B3GLCT: variants seen among roughly 807,000 people sequenced by gnomAD.
The protein encoded by B3GLCT is beta-1,3-glucosyltransferase.
Under a neutral mutation model 63.4 loss-of-function variants are expected in B3GLCT, and 65 were observed. The observed-to-expected ratio is 1.03, with a 90% CI of 0.84 to 1.26. B3GLCT has a LOEUF of 1.26. B3GLCT is among the 50% of genes most tolerant of loss of function. The pLI is 0.00. For synonymous variants in B3GLCT, 233 were observed against 219.2 expected (o/e 1.06, Z -0.55); for missense variants, 577 against 604.8 (o/e 0.95, Z 0.48).
intron 14 of B3GLCT, among the ~76,000 whole-genome samples, chr13:31,326,127 A>T (rs1875591551): frequency 6.6e-6 from 1 of 152,142 alleles, no homozygotes; most frequent in African/African-American, 2.4e-5. Context: ...GGTAAACTGT[A>T]TGGGATGGAA....
intron 4 of B3GLCT, among the ~76,000 whole-genome samples, chr13:31,241,964 G>A (rs1282400332): frequency 3.3e-5 from 5 of 152,092 alleles, no homozygotes; most frequent in African/African-American, 1.2e-4. Context: ...CTTTTTTTGA[G>A]TGCTCATAAT....
chr13:31,214,044 G>T (rs573825460), intron 1 of B3GLCT, among the ~76,000 whole-genome samples: 1 of 152,208 alleles, frequency 6.6e-6, no homozygotes, highest in East Asian at 1.9e-4. Context: ...TGGGGATGGG[G>T]AGGGATTAGA....
intron 9 of B3GLCT, among the ~76,000 whole-genome samples, 166 bp downstream of exon 9, chr13:31,274,794 C>G (rs1872707995): frequency 6.6e-6 from 1 of 152,198 alleles, no homozygotes; most frequent in Admixed American, 6.5e-5. Context: ...TCTGCTGATT[C>G]TGTCACCCAA....
intron 12 of B3GLCT, among the ~76,000 whole-genome samples, chr13:31,301,189 G>T (rs190864906): frequency 6.6e-6 from 1 of 152,162 alleles, no homozygotes; most frequent in African/African-American, 2.4e-5. Flanking sequence ...CCTTCAAGTG[G>T]AAATTCTCTA....
chr13:31,281,281 A>C (rs1873056297), intron 10 of B3GLCT, among the ~76,000 whole-genome samples: 1 of 152,150 alleles, frequency 6.6e-6, no homozygotes, highest in Non-Finnish European at 1.5e-5. Context: ...TCAGATTAAA[A>C]AAAAACAAAA....
At chr13:31,230,617 T>C (rs1183159018) in intron 4 of B3GLCT, among the ~76,000 whole-genome samples, 2 of 152,254 alleles carry the variant, frequency 1.3e-5, no homozygotes, top group Non-Finnish European at 2.9e-5. Flanking sequence ...TGGGTTGCTC[T>C]GCTTGAAACA....
chr13:31,287,695 T>C (rs1873401953), intron 12 of B3GLCT, among the ~76,000 whole-genome samples: 1 of 152,146 alleles, frequency 6.6e-6, no homozygotes, highest in African/African-American at 2.4e-5. Context: ...ATTGAAATGG[T>C]TTCAGAATTT....
chr13:31,322,379 T>C lies in B3GLCT; in HGVS notation c.1185-1372T>C, dbSNP rs7322989. ...TCTTGGGCAAGTCCCAGACTCCCAT[T>C]TCAGTTTTTCTTATTTTAAACATTT... On this transcript the variant is annotated intron_variant, in intron 13 of 14. Transcript: ENST00000343307. Among the ~76,000 whole-genome samples the C allele has an allele frequency of 8.6e-3, 1,304 of 152,382 alleles. 14 individuals carry two copies. The highest frequency in any genetic ancestry group is 0.03 in the African/African-American group (1,244 of 41,586).
At chr13:31,246,974 T>TTTTTC in intron 4 of B3GLCT, 49 bp from the exon 5 acceptor site, 1 of 1,230,214 alleles carries the variant, frequency 8.1e-7, no homozygotes, top group South Asian at 1.3e-5. Flanking sequence ...TTTACTTTTT[T>TTTTTC]TCGGAGTAGT....
intron 12 of B3GLCT, among the ~76,000 whole-genome samples, chr13:31,315,295 A>T (rs2093944): frequency 0.96 from 145,484 of 152,272 alleles, 69,742 homozygotes; most frequent in East Asian, 1. Context: ...AGAAACTTGT[A>T]GAATAGTTTT....
At position 31,232,781 on chromosome 13, in the gene B3GLCT, T is replaced by C. The variant is rs183427582; in HGVS notation, c.270+3487T>C. Among the ~76,000 whole-genome samples the C allele has an allele frequency of 3.7e-4, 56 of 152,382 alleles. No homozygotes were observed. The South Asian group carries it at 5.4e-3, about 15-fold the overall frequency. The stretch of plus-strand genomic sequence containing the variant: ...TTGTATCTTGGACAAACTTCTATTG[T>C]ATACTTTTCATTGTGTATTATTTGT... On this transcript the variant is annotated intron_variant, in intron 4 of 14. Transcript: ENST00000343307.
In B3GLCT at chr13:31,329,519, C is replaced by T. The variant is rs1465101980; in HGVS notation, c.1348C>T (p.Pro450Ser). 1 of 1,614,038 alleles carries T rather than the reference C, an allele frequency of 6.2e-7. No individual in the cohort carries two copies. ...LFHQARPVDY[P>S]KDYLSHQVPI... ...CCTGCAGGCTCGGCCGGTGGATTAC[C>T]CTAAGGACTACCTTTCTCATCAAGT... Residue 450 changes from proline to serine, a missense_variant, in exon 15 of 15, where the codon CCT (proline) becomes TCT (serine). Pro to Ser is a moderately conservative substitution (Grantham distance 74). Transcript: ENST00000343307.
At chr13:31,290,387 G>T (rs1286587090) in intron 12 of B3GLCT, among the ~76,000 whole-genome samples, 1 of 152,164 alleles carries the variant, frequency 6.6e-6, no homozygotes, top group Non-Finnish European at 1.5e-5. Context: ...CCAATAATGG[G>T]ATTGCTAGGT....
intron 14 of B3GLCT, among the ~76,000 whole-genome samples, chr13:31,324,221 C>G (rs545288350): frequency 6.6e-6 from 1 of 152,354 alleles, no homozygotes; most frequent in East Asian, 1.9e-4. Flanking sequence ...TTATTGGATA[C>G]TGCCTAGAAA....
chr13:31,243,425 A>G (rs901160999), intron 4 of B3GLCT, among the ~76,000 whole-genome samples: 1 of 152,230 alleles, frequency 6.6e-6, no homozygotes, highest in Non-Finnish European at 1.5e-5. Flanking sequence ...AATCTGCTGA[A>G]TAATTAAGGT....
At chr13:31,259,076 C>T (rs535079483) in intron 6 of B3GLCT, among the ~76,000 whole-genome samples, 42 of 151,874 alleles carry the variant, frequency 2.8e-4, no homozygotes, top group Non-Finnish European at 4.4e-4. Flanking sequence ...AACTTCAGTT[C>T]TTTCATTAAG....
intron 10 of B3GLCT, 105 bp downstream of exon 10, chr13:31,276,876 C>T (rs1872818680): frequency 1.2e-6 from 1 of 846,936 alleles, no homozygotes. Flanking sequence ...GGGATAATGA[C>T]AATTCGGATG....
intron 1 of B3GLCT, among the ~76,000 whole-genome samples, chr13:31,205,628 A>T (rs1015823153): frequency 6.6e-6 from 1 of 152,040 alleles, no homozygotes; most frequent in African/African-American, 2.4e-5. Context: ...GCCTCAAGTC[A>T]TCTGTCTGCC....
At chr13:31,244,901 C>G (rs1010368503) in intron 4 of B3GLCT, among the ~76,000 whole-genome samples, 3 of 152,070 alleles carry the variant, frequency 2.0e-5, no homozygotes, top group African/African-American at 7.2e-5. Flanking sequence ...GTAGCACCTA[C>G]TTTGTATTTT....
Sources: allele counts gnomAD v4.1 joint callset (sites outside exome capture counted in the v4.1 genomes callset), GRCh38; gene constraint gnomAD v4.1.1; transcripts MANE v1.5; gene names NCBI Gene and HGNC (gene_info 2026-07-23, HGNC 2026-07-21).